AKR1B1: variants seen among roughly 807,000 people sequenced by gnomAD.
The protein encoded by AKR1B1 is aldo-keto reductase family 1 member B, also known as aldo-keto reductase family 1 member B1.
In AKR1B1, 22 loss-of-function variants were observed where a neutral mutation model predicts 40.4. The observed-to-expected ratio is 0.54, with a 90% confidence interval of 0.39 to 0.78. The LOEUF is 0.78. AKR1B1 is among the 30% of genes least tolerant of loss of function. The probability of loss-of-function intolerance (pLI) is 0.00; values close to 1 mark genes in which losing one functional copy is unlikely to be tolerated. For synonymous variants in AKR1B1, 157 were observed against 149.9 expected, an observed-to-expected ratio of 1.05 and a Z score of -0.35; for missense variants, 357 against 396.7, an observed-to-expected ratio of 0.90 and a Z score of 0.85.
Position 134,447,621 on chromosome 7 carries a change from T to A in AKR1B1, c.742-240A>T, listed in dbSNP as rs999826873. 9.5e-6 allele frequency: 6 copies of A among 629,390 alleles called. No homozygotes were observed. The African/African-American group carries it at 1.1e-4, about 11-fold the overall frequency. The allele number at this position is 629,390 out of a possible 1,614,324, so 39.0% of individuals were successfully genotyped here. On this transcript the variant is annotated intron_variant, in intron 7 of 9. Transcript: ENST00000285930. Reference sequence around the variant, plus strand: ...ACGCTTCAGTGTCTCAGGCATATCATGAGACCACATGAGGCCCTCCACTGG... The same window carrying A: ...ACGCTTCAGTGTCTCAGGCATATCAAGAGACCACATGAGGCCCTCCACTGG...
chr7:134,451,838 TG>T, intron 1 of AKR1B1, 85 bp from the exon 2 acceptor site: 1 of 1,434,520 alleles, frequency 7.0e-7, no homozygotes, highest in Non-Finnish European at 9.6e-7. Context: ...CGATACCTGC[TG>T]ACCAGCCTGC....
rs112541878 is a variant in AKR1B1, at chr7:134,452,584, C to T, written c.67-831G>A. On this transcript the variant is annotated intron_variant, in intron 1 of 9. Coordinates refer to ENST00000285930, the MANE Select transcript of AKR1B1 (RefSeq NM_001628.4). Reference sequence around the variant, plus strand: ...GGAGGAGGAAGTGCCTACATGGCATCGCGCTTCACTGGCACCCAGGTAGGC... The same window carrying T: ...GGAGGAGGAAGTGCCTACATGGCATTGCGCTTCACTGGCACCCAGGTAGGC... Among the ~76,000 whole-genome samples the T allele has an allele frequency of 2.6e-4, 39 of 152,276 alleles. 1 individual carries two copies. Among genetic ancestry groups the T allele is most frequent in the Non-Finnish European group, 4.3e-4 (29 of 68,016 alleles).
At chr7:134,445,054 T>G (rs1806053110) in intron 9 of AKR1B1, 184 bp downstream of exon 9, 1 of 676,574 alleles carries the variant, frequency 1.5e-6, no homozygotes, top group Non-Finnish European at 2.7e-6. Context: ...GCGGATCTCT[T>G]GGCATCTTGG....
intron 1 of AKR1B1, among the ~76,000 whole-genome samples, chr7:134,454,192 A>G (rs1806392814): frequency 6.6e-6 from 1 of 152,222 alleles, no homozygotes; most frequent in African/African-American, 2.4e-5. Flanking sequence ...TTGATGGGCA[A>G]AACCATGCAT....
At chr7:134,451,418 G>A in intron 2 of AKR1B1, 168 bp downstream of exon 2, 1 of 800,158 alleles carries the variant, frequency 1.2e-6, no homozygotes, top group Non-Finnish European at 2.1e-6. Flanking sequence ...GAGAGCCAAG[G>A]ATGGGCGAGC....
At chr7:134,442,986 G>C (rs776685196) in intron 9 of AKR1B1, among the ~76,000 whole-genome samples, 36 of 152,220 alleles carry the variant, frequency 2.4e-4, no homozygotes, top group Non-Finnish European at 5.1e-4. Context: ...CAGCACATGT[G>C]TGAGGGACAC....
At chr7:134,447,532 A>C in intron 7 of AKR1B1, 151 bp from the exon 8 acceptor site, 1 of 731,166 alleles carries the variant, frequency 1.4e-6, no homozygotes, top group African/African-American at 1.7e-5. Context: ...ACAGCTAGCA[A>C]CAGGTAGGCG....
intron 1 of AKR1B1, among the ~76,000 whole-genome samples, chr7:134,454,176 G>A (rs1806392371): frequency 6.6e-6 from 1 of 152,192 alleles, no homozygotes; most frequent in Admixed American, 6.5e-5. Context: ...ACTAATCTGT[G>A]TGCCCTTGAT....
chr7:134,448,926 G>A lies in AKR1B1; in HGVS notation c.552+71C>T, dbSNP rs139585031. The A allele has an allele frequency of 4.3e-3, 6,964 of 1,602,298 alleles. 427 individuals are homozygous for A. The Admixed American group carries it at 0.11, about 25-fold the overall frequency. ...TGGCCACTTGCTGGGTGAGGTGGACGAGAAATCCCTACCAGCATCAGACAG... is the reference window on the plus strand; with the variant it reads ...TGGCCACTTGCTGGGTGAGGTGGACAAGAAATCCCTACCAGCATCAGACAG... On this transcript the variant is annotated intron_variant, in intron 5 of 9. Coordinates refer to ENST00000285930, the MANE Select transcript of AKR1B1 (RefSeq NM_001628.4).
rs1441047157 is a variant in AKR1B1 at position 134,450,917 on chromosome 7, G to C, written c.235-15C>G. The C allele has an allele frequency of 1.2e-6, 2 of 1,605,980 alleles. No individual in the cohort carries two copies. The highest frequency in any genetic ancestry group is 1.3e-5 in the African/African-American group (1 of 74,766). ...GTGCACCACAGCTAAGCCAGCGAGA[G>C]GGCACATGTCATCATTGCCAGCCAC... On this transcript the variant is annotated splice_polypyrimidine_tract_variant and intron_variant, in intron 2 of 9. Transcript: ENST00000285930.
chr7:134,458,416 T>G (rs532646682), intron 1 of AKR1B1, among the ~76,000 whole-genome samples: 3 of 152,140 alleles, frequency 2.0e-5, no homozygotes, highest in Admixed American at 2.0e-4. Context: ...AACAGCTGGG[T>G]CCGGGCAAAC....
Position 134,448,194 on chromosome 7 carries a change from C to T in AKR1B1, c.660-133G>A, listed in dbSNP as rs916636429. The T allele has an allele frequency of 4.3e-6, 4 of 927,328 alleles. No homozygotes were observed. In the African/African-American group the frequency reaches 4.9e-5, roughly 11 times the overall value. The allele number at this position is 927,328 out of a possible 1,614,324, so 57.4% of individuals were successfully genotyped here. A position where few individuals can be genotyped will look rare whatever the true frequency, so the allele number is the denominator to read the frequency against. On this transcript the variant is annotated intron_variant, in intron 6 of 9. Transcript: ENST00000285930. ...TCCTCCTCAGAGCTGGGTTAAGAACCCCCAACCCTTTGGAAAAAGAGTAGG... is the reference window on the plus strand; with the variant it reads ...TCCTCCTCAGAGCTGGGTTAAGAACTCCCAACCCTTTGGAAAAAGAGTAGG...
chr7:134,446,118 G>T (rs1806086586), intron 8 of AKR1B1, among the ~76,000 whole-genome samples: 1 of 152,178 alleles, frequency 6.6e-6, no homozygotes, highest in African/African-American at 2.4e-5. Flanking sequence ...AAAATAATTA[G>T]GTTAGCATTT....
chr7:134,445,459 A>G (rs1477854335), intron 8 of AKR1B1, 139 bp from the exon 9 acceptor site: 3 of 744,964 alleles, frequency 4.0e-6, no homozygotes, highest in African/African-American at 1.7e-5. Context: ...AAGCTGATAT[A>G]TTAGTATTCA....
intron 8 of AKR1B1, among the ~76,000 whole-genome samples, chr7:134,446,037 G>C (rs1040916003): frequency 2.6e-5 from 4 of 152,210 alleles, no homozygotes; most frequent in South Asian, 2.1e-4. Flanking sequence ...TGCAGAAAGA[G>C]AGTCTGCTAC....
In AKR1B1 at chr7:134,459,091, A is replaced by G. The variant is rs767461435; in HGVS notation, c.-29T>C. 1.3e-6 allele frequency: 2 copies of G among 1,591,488 alleles called. No homozygotes were observed. The highest frequency in any genetic ancestry group is 1.3e-5 in the African/African-American group (1 of 74,440). ...TGCTGCGCTCCCCAGACCCCCGCCC[A>G]GTACGGTGCGGCCTTGGCCGCGGCG... On this transcript the variant is annotated 5_prime_UTR_variant, in exon 1 of 10. Coordinates refer to ENST00000285930, the MANE Select transcript of AKR1B1 (RefSeq NM_001628.4).
rs1318002272 is a variant in AKR1B1, at chr7:134,442,517, T to C, written c.*211A>G. The stretch of plus-strand genomic sequence containing the variant: ...TCAGGTTGTACTTTCCCCAGCAGGG[T>C]AGAAAGAAGGGCAAAGCAAACTGGA... On this transcript the variant is annotated 3_prime_UTR_variant, in exon 10 of 10. Transcript: ENST00000285930. The C allele has an allele frequency of 1.4e-5, 8 of 556,324 alleles. No individual in the cohort carries two copies. Among genetic ancestry groups the C allele is most frequent in the South Asian group, 2.2e-5 (1 of 45,348 alleles). The allele number at this position is 556,324 out of a possible 1,614,324, so 34.5% of individuals were successfully genotyped here. A position where few individuals can be genotyped will look rare whatever the true frequency, so the allele number is the denominator to read the frequency against.
At chr7:134,446,804 G>A (rs1182419135) in intron 8 of AKR1B1, among the ~76,000 whole-genome samples, 1 of 152,252 alleles carries the variant, frequency 6.6e-6, no homozygotes, top group Non-Finnish European at 1.5e-5. Flanking sequence ...TATCAGCACA[G>A]CAACATTTCT....
At chr7:134,451,149 C>A in intron 2 of AKR1B1, 1 of 596,440 alleles carries the variant, frequency 1.7e-6, no homozygotes, top group Admixed American at 2.6e-5. Flanking sequence ...CTAGCCTGCC[C>A]TAGGCCTAAG....
Sources: allele counts gnomAD v4.1 joint callset (sites outside exome capture counted in the v4.1 genomes callset), GRCh38; gene constraint gnomAD v4.1.1; transcripts MANE v1.5; gene names NCBI Gene and HGNC (gene_info 2026-07-23, HGNC 2026-07-21).